NRXN3: variants seen among roughly 807,000 people sequenced by gnomAD.
NRXN3 encodes neurexin III.
Under a neutral mutation model 137.6 loss-of-function variants are expected in NRXN3, and 32 were observed. The ratio of observed to expected loss-of-function variants is 0.23; its 90% CI spans 0.18 to 0.31. NRXN3 has a LOEUF of 0.31. Among genes scored for constraint, NRXN3 ranks in the 10% least tolerant of loss-of-function variants. The pLI is 1.00. For missense variants in NRXN3, 1,574 were observed against 2,062.5 expected (o/e 0.76, Z 4.59); for synonymous variants, 798 against 784.5 (o/e 1.02, Z -0.29).
At chr14:79,825,010 C>T (rs925802433) in intron 20 of NRXN3, among the ~76,000 whole-genome samples, 1 of 152,152 alleles carries the variant, frequency 6.6e-6, no homozygotes, top group Non-Finnish European at 1.5e-5. Flanking sequence ...GGCACTCCTA[C>T]TAAAGAACAA....
intron 15 of NRXN3, among the ~76,000 whole-genome samples, chr14:79,126,636 C>G (rs1322662318): frequency 2.0e-5 from 3 of 151,912 alleles, no homozygotes; most frequent in Admixed American, 6.6e-5. Context: ...AATAAACATA[C>G]GTGTGCATGT....
intron 4 of NRXN3, among the ~76,000 whole-genome samples, chr14:78,482,359 A>G (rs533716003): frequency 7.9e-5 from 12 of 152,248 alleles, no homozygotes; most frequent in Admixed American, 1.3e-4. Flanking sequence ...TGGCTCTCCT[A>G]TATACCCAGG....
At chr14:79,506,391 T>G (rs915382128) in intron 16 of NRXN3, among the ~76,000 whole-genome samples, 5 of 152,190 alleles carry the variant, frequency 3.3e-5, no homozygotes, top group African/African-American at 1.2e-4. Flanking sequence ...TGCCAAGAGC[T>G]GGTTATTATG....
At chr14:79,115,967 G>T (rs760880499) in intron 15 of NRXN3, among the ~76,000 whole-genome samples, 3 of 152,044 alleles carry the variant, frequency 2.0e-5, no homozygotes, top group African/African-American at 7.2e-5. Flanking sequence ...TACCCATTAT[G>T]CACCCATGGA....
intron 8 of NRXN3, among the ~76,000 whole-genome samples, chr14:78,797,183 A>G (rs767348976): frequency 4.6e-5 from 7 of 152,236 alleles, no homozygotes; most frequent in Admixed American, 6.5e-5. Context: ...CCGAAAATAT[A>G]CAAGTCTCAG....
intron 16 of NRXN3, among the ~76,000 whole-genome samples, chr14:79,531,769 T>C (rs1601721037): frequency 2.0e-5 from 3 of 152,322 alleles, no homozygotes; most frequent in East Asian, 3.9e-4. Flanking sequence ...AGTAACTAGA[T>C]ATATTTATCC....
chr14:78,906,155 A>G (rs961176446), intron 10 of NRXN3, among the ~76,000 whole-genome samples: 3 of 152,124 alleles, frequency 2.0e-5, no homozygotes, highest in Non-Finnish European at 4.4e-5. Context: ...TATGATACTT[A>G]GTAAAAATGG....
intron 1 of NRXN3, among the ~76,000 whole-genome samples, chr14:78,198,539 C>T (rs1214870312): frequency 6.6e-6 from 1 of 152,178 alleles, no homozygotes; most frequent in East Asian, 1.9e-4. Flanking sequence ...ATGGTGCATG[C>T]TGCGAAAGCA....
At chr14:78,339,623 G>A (rs1325395713) in intron 4 of NRXN3, among the ~76,000 whole-genome samples, 1 of 152,174 alleles carries the variant, frequency 6.6e-6, no homozygotes, top group Non-Finnish European at 1.5e-5. Flanking sequence ...AGAAGGGATT[G>A]CCTTTTTGAA....
chr14:79,277,222 C>T (rs2080427937), intron 15 of NRXN3, among the ~76,000 whole-genome samples: 1 of 152,058 alleles, frequency 6.6e-6, no homozygotes, highest in African/African-American at 2.4e-5. Context: ...GCTATAAAGG[C>T]CTTGGGATGA....
chr14:79,157,102 G>T (rs2060320379), intron 15 of NRXN3, among the ~76,000 whole-genome samples: 1 of 151,790 alleles, frequency 6.6e-6, no homozygotes, highest in Non-Finnish European at 1.5e-5. Context: ...TGGTGGTCAT[G>T]TTATTGTTGT....
chr14:79,559,516 C>A (rs927918691), intron 16 of NRXN3, among the ~76,000 whole-genome samples: 2 of 151,910 alleles, frequency 1.3e-5, no homozygotes, highest in African/African-American at 4.8e-5. Context: ...TGTGGCACCC[C>A]AAAACAGTTA....
chr14:78,330,855 G>A (rs534542604), intron 4 of NRXN3, among the ~76,000 whole-genome samples: 10 of 152,140 alleles, frequency 6.6e-5, no homozygotes, highest in Middle Eastern at 3.4e-3. Context: ...CTTTGCAAAC[G>A]AACTGATAGT....
intron 4 of NRXN3, among the ~76,000 whole-genome samples, chr14:78,490,251 C>T (rs927160594): frequency 9.6e-6 from 1 of 104,194 alleles, no homozygotes; most frequent in African/African-American, 4.0e-5. Flanking sequence ...TCCACCACAC[C>T]CGGCCTGAGT....
intron 16 of NRXN3, among the ~76,000 whole-genome samples, chr14:79,625,351 G>T (rs1335136853): frequency 1.3e-5 from 2 of 152,076 alleles, no homozygotes; most frequent in Non-Finnish European, 1.5e-5. Context: ...TAACTATAAA[G>T]ACATGAACCA....
chr14:79,279,545 C>T (rs2080904438), intron 15 of NRXN3: 11 of 986,180 alleles, frequency 1.1e-5, no homozygotes, highest in Admixed American at 1.2e-4. Context: ...TGCTCCGCAC[C>T]GGGTTCCTCC....
intron 15 of NRXN3, among the ~76,000 whole-genome samples, chr14:79,111,794 T>C (rs2053578939): frequency 6.6e-6 from 1 of 150,972 alleles, no homozygotes; most frequent in African/African-American, 2.4e-5. Flanking sequence ...AACAGGTCAA[T>C]TTCTTGTATT....
chr14:79,656,860 G>A (rs1489465057), intron 16 of NRXN3, among the ~76,000 whole-genome samples: 2 of 152,042 alleles, frequency 1.3e-5, no homozygotes, highest in Non-Finnish European at 2.9e-5. Flanking sequence ...TTTAGAAAAG[G>A]AGAAATAGTT....
At chr14:79,697,277 C>T (rs954246225) in intron 18 of NRXN3, among the ~76,000 whole-genome samples, 6 of 151,952 alleles carry the variant, frequency 3.9e-5, no homozygotes, top group African/African-American at 1.4e-4. Flanking sequence ...AGTAGGTATC[C>T]GTAATTTATT....
Sources: allele counts gnomAD v4.1 joint callset (sites outside exome capture counted in the v4.1 genomes callset), GRCh38; gene constraint gnomAD v4.1.1; transcripts MANE v1.5; gene names NCBI Gene and HGNC (gene_info 2026-07-23, HGNC 2026-07-21).